Variants in ZNF804A observed in about 807,000 individuals in gnomAD.
ZNF804A encodes zinc finger protein 804A.
ZNF804A carries 2 observed loss-of-function variants against 16.5 expected under a neutral mutation model. That is an observed-to-expected ratio of 0.12 (90% confidence interval 0.05 to 0.38). ZNF804A has a LOEUF of 0.38. Ranked by LOEUF, ZNF804A falls within the 10% of genes least tolerant of loss-of-function variation. The probability of loss-of-function intolerance (pLI) is 0.99; values close to 1 mark genes in which losing one functional copy is unlikely to be tolerated. For missense variants in ZNF804A, 1,473 were observed against 1,390.7 expected, an observed-to-expected ratio of 1.06 and a Z score of -0.94; for synonymous variants, 534 against 489.6, an observed-to-expected ratio of 1.09 and a Z score of -1.20.
chr2:184,829,374 G>T (rs1695222290), intron 1 of ZNF804A, among the ~76,000 whole-genome samples: 1 of 151,754 alleles, frequency 6.6e-6, no homozygotes, highest in African/African-American at 2.4e-5. Context: ...ACATTAAATG[G>T]CCTTTAAAAC....
At chr2:184,780,437 C>G (rs1354265141) in intron 1 of ZNF804A, among the ~76,000 whole-genome samples, 2 of 151,720 alleles carry the variant, frequency 1.3e-5, no homozygotes, top group African/African-American at 4.8e-5. Context: ...GGTAAGAAAT[C>G]TGAGAACTGA....
At chr2:184,638,828 T>C (rs1236788304) in intron 1 of ZNF804A, among the ~76,000 whole-genome samples, 1 of 152,160 alleles carries the variant, frequency 6.6e-6, no homozygotes, top group Non-Finnish European at 1.5e-5. Context: ...ACACCATTCG[T>C]ATTTCCAAAG....
At chr2:184,864,133 A>T (rs1158938209) in intron 1 of ZNF804A, among the ~76,000 whole-genome samples, 1 of 152,166 alleles carries the variant, frequency 6.6e-6, no homozygotes, top group South Asian at 2.1e-4. Flanking sequence ...TGCAGGCTGT[A>T]CAAGAAGTAT....
At chr2:184,609,131 G>A (rs964515480) in intron 1 of ZNF804A, among the ~76,000 whole-genome samples, 3 of 152,188 alleles carry the variant, frequency 2.0e-5, no homozygotes, top group African/African-American at 7.2e-5. Flanking sequence ...TTCAGGTAAT[G>A]AGGAAGAATT....
intron 1 of ZNF804A, among the ~76,000 whole-genome samples, chr2:184,706,944 T>C (rs939418687): frequency 3.9e-5 from 6 of 152,222 alleles, no homozygotes; most frequent in Non-Finnish European, 7.3e-5. Flanking sequence ...TGTATTTCAA[T>C]AGTTTTAGTA....
chr2:184,862,150 C>G (rs1007487271), intron 1 of ZNF804A, among the ~76,000 whole-genome samples: 1 of 152,120 alleles, frequency 6.6e-6, no homozygotes, highest in Admixed American at 6.6e-5. Context: ...CGGCTGTGCT[C>G]CTTTTTCATC....
intron 1 of ZNF804A, among the ~76,000 whole-genome samples, chr2:184,684,882 A>G (rs549099465): frequency 2.6e-5 from 4 of 152,182 alleles, no homozygotes; most frequent in African/African-American, 9.7e-5. Flanking sequence ...TGCAAAGGAC[A>G]TGATTTTATT....
chr2:184,819,041 C>T (rs975978761), intron 1 of ZNF804A, among the ~76,000 whole-genome samples: 2 of 151,422 alleles, frequency 1.3e-5, no homozygotes, highest in African/African-American at 4.8e-5. Flanking sequence ...ACCTCAACTT[C>T]AACTCACCTC....
At chr2:184,640,942 C>G (rs1207063672) in intron 1 of ZNF804A, among the ~76,000 whole-genome samples, 1 of 151,970 alleles carries the variant, frequency 6.6e-6, no homozygotes, top group African/African-American at 2.4e-5. Context: ...TTCCACTTAT[C>G]TTTTTTAAAA....
intron 2 of ZNF804A, among the ~76,000 whole-genome samples, chr2:184,905,967 T>C (rs547114262): frequency 6.6e-6 from 1 of 152,324 alleles, no homozygotes; most frequent in African/African-American, 2.4e-5. Context: ...CTATCCAATT[T>C]CATTGACCTT....
In ZNF804A at chr2:184,938,106, T is replaced by A; in HGVS notation, c.2710T>A (p.Ser904Thr). The part of the protein sequence containing the change: ...ETEHLEMETT[S>T]GELSDVSNDP... The stretch of plus-strand genomic sequence containing the variant: ...TGAGCATTTAGAAATGGAGACCACT[T>A]CTGGTGAATTGTCAGATGTTTCCAA... The change falls in exon 4 of 4, where the codon TCT (serine) becomes ACT (threonine). Residue 904 changes from serine to threonine, a missense_variant. Coordinates refer to ENST00000302277, the MANE Select transcript of ZNF804A (RefSeq NM_194250.2). 6.2e-7 allele frequency: 1 copy of A among 1,614,134 alleles called. No homozygotes were observed. Among genetic ancestry groups the A allele is most frequent in the Middle Eastern group, 1.6e-4 (1 of 6,062 alleles).
intron 1 of ZNF804A, among the ~76,000 whole-genome samples, chr2:184,753,923 A>G (rs1295024181): frequency 6.6e-6 from 1 of 151,938 alleles, no homozygotes; most frequent in Non-Finnish European, 1.5e-5. Context: ...TTTGAATTTT[A>G]GATAAATAAT....
At chr2:184,807,911 C>G (rs1039216028) in intron 1 of ZNF804A, among the ~76,000 whole-genome samples, 15 of 151,706 alleles carry the variant, frequency 9.9e-5, no homozygotes, top group Admixed American at 7.9e-4. Context: ...ATCCAATATT[C>G]TATTTAGAAT....
intron 1 of ZNF804A, among the ~76,000 whole-genome samples, chr2:184,664,234 A>G (rs1455877249): frequency 6.6e-6 from 1 of 152,176 alleles, no homozygotes; most frequent in African/African-American, 2.4e-5. Context: ...AGCTTAAGTA[A>G]ATCAATGGAA....
At chr2:184,696,063 A>G (rs1241883851) in intron 1 of ZNF804A, among the ~76,000 whole-genome samples, 3 of 152,164 alleles carry the variant, frequency 2.0e-5, no homozygotes, top group Non-Finnish European at 4.4e-5. Flanking sequence ...GAGAAGTTTC[A>G]TTTCTACACT....
At chr2:184,637,064 T>C (rs950589197) in intron 1 of ZNF804A, among the ~76,000 whole-genome samples, 2 of 152,206 alleles carry the variant, frequency 1.3e-5, no homozygotes, top group African/African-American at 4.8e-5. Flanking sequence ...TTCAATAGTT[T>C]CTGAAATATC....
intron 1 of ZNF804A, among the ~76,000 whole-genome samples, chr2:184,644,725 G>A (rs1691846014): frequency 6.6e-6 from 1 of 151,960 alleles, no homozygotes; most frequent in Non-Finnish European, 1.5e-5. Context: ...AGATAAACAA[G>A]ATACTGATTG....
At chr2:184,723,111 A>G (rs184880526) in intron 1 of ZNF804A, among the ~76,000 whole-genome samples, 1 of 151,904 alleles carries the variant, frequency 6.6e-6, no homozygotes, top group Non-Finnish European at 1.5e-5. Flanking sequence ...ACCCTGTACC[A>G]TGTTAAAAAT....
rs559509267 is a variant in ZNF804A, at chr2:184,626,997, G to A, written c.111+27927G>A. Among the ~76,000 whole-genome samples the A allele has an allele frequency of 2.6e-5, 4 of 152,076 alleles. No individual in the cohort carries two copies. The South Asian group carries it at 6.2e-4, about 24-fold the overall frequency. ...CCCATAGATAAAATTATAGCATCTC[G>A]TGTGGTTCTCTAAACGAAATTTCTT... On this transcript the variant is annotated intron_variant, in intron 1 of 3. Transcript: ENST00000302277.
Sources: allele counts gnomAD v4.1 joint callset (sites outside exome capture counted in the v4.1 genomes callset), GRCh38; gene constraint gnomAD v4.1.1; transcripts MANE v1.5; gene names NCBI Gene and HGNC (gene_info 2026-07-23, HGNC 2026-07-21).